ADCY9: variants seen among roughly 807,000 people sequenced by gnomAD.
ADCY9 encodes the protein adenylate cyclase 9.
Under a neutral mutation model 101.5 loss-of-function variants are expected in ADCY9, and 50 were observed. The ratio of observed to expected loss-of-function variants is 0.49; its 90% CI spans 0.39 to 0.62. ADCY9 has a LOEUF of 0.62. Among genes scored for constraint, ADCY9 ranks in the 20% least tolerant of loss-of-function variants. The pLI, the probability that ADCY9 is intolerant of heterozygous loss-of-function variation, is 0.00. For synonymous variants in ADCY9, 905 were observed against 769.3 expected, an observed-to-expected ratio of 1.18 and a Z score of -2.92; for missense variants, 1,662 against 1,800.4, an observed-to-expected ratio of 0.92 and a Z score of 1.39.
chr16:3,991,436 T>A (rs1277322014), intron 5 of ADCY9, among the ~76,000 whole-genome samples: 1 of 152,008 alleles, frequency 6.6e-6, no homozygotes, highest in African/African-American at 2.4e-5. Flanking sequence ...TCAGGAATAT[T>A]TGATAAAAGG....
At chr16:4,084,763 G>C (rs957636552) in intron 2 of ADCY9, among the ~76,000 whole-genome samples, 8 of 151,914 alleles carry the variant, frequency 5.3e-5, no homozygotes, top group African/African-American at 1.7e-4. Context: ...AAATGTGATA[G>C]AATCAGTGGC....
chr16:4,115,310 G>A lies in ADCY9; in HGVS notation c.133C>T (p.His45Tyr). 2 of 1,613,814 alleles carry A rather than the reference G, an allele frequency of 1.2e-6. No individual in the cohort carries two copies. The highest frequency in any genetic ancestry group is 1.7e-5 in the Admixed American group (1 of 59,990). ...KQLSSNSHPK[H>Y]CKYSISSSCS... is the part of the protein sequence containing the mutation. The stretch of plus-strand genomic sequence containing the variant: ...CTAGAGGAGATGCTGTATTTGCAGT[G>A]CTTGGGGTGGCTGTTGGAGGACAGC... The change falls in exon 2 of 11, where the codon CAC (histidine) becomes TAC (tyrosine). Residue 45 changes from histidine to tyrosine, a missense_variant. By Grantham distance (83) the His-to-Tyr change is moderately conservative. Coordinates refer to ENST00000294016, the MANE Select transcript of ADCY9 (RefSeq NM_001116.4). This position sits in a 1 kb window ranked among gnomAD's most constrained non-coding sequence, Gnocchi z 6.2.
At chr16:4,010,145 G>T (rs1030223314) in intron 2 of ADCY9, among the ~76,000 whole-genome samples, 1 of 152,216 alleles carries the variant, frequency 6.6e-6, no homozygotes, top group Admixed American at 6.5e-5. Context: ...CCTGCCTGAG[G>T]CTACGGCTCC....
chr16:4,016,796 A>C (rs190433118), intron 2 of ADCY9, among the ~76,000 whole-genome samples: 6 of 152,324 alleles, frequency 3.9e-5, no homozygotes, highest in African/African-American at 1.2e-4. Flanking sequence ...AGACACAGAA[A>C]GCAGATGAGT....
At chr16:4,026,687 C>A (rs2056517810) in intron 2 of ADCY9, among the ~76,000 whole-genome samples, 1 of 152,170 alleles carries the variant, frequency 6.6e-6, no homozygotes, top group Non-Finnish European at 1.5e-5. Context: ...GAGACCCATG[C>A]AGCATCCAGG....
chr16:4,096,400 A>G (rs921079805), intron 2 of ADCY9, among the ~76,000 whole-genome samples: 1 of 152,344 alleles, frequency 6.6e-6, no homozygotes, highest in Non-Finnish European at 1.5e-5. Context: ...TATTTGCCCA[A>G]AAGTGCTTGT....
At chr16:3,981,830 C>G (rs1239606566) in intron 7 of ADCY9, 1 of 152,154 alleles carries the variant, frequency 6.6e-6, no homozygotes, top group African/African-American at 2.4e-5. Flanking sequence ...CTCGAACTCC[C>G]AGCCTCAGGT....
At chr16:4,022,781 A>G (rs1361108832) in intron 2 of ADCY9, among the ~76,000 whole-genome samples, 1 of 152,162 alleles carries the variant, frequency 6.6e-6, no homozygotes, top group African/African-American at 2.4e-5. Flanking sequence ...GTATCAGAGT[A>G]AGACCCTGTC....
chr16:3,975,985 G>A (rs72762710), intron 9 of ADCY9, among the ~76,000 whole-genome samples: 6,923 of 152,138 alleles, frequency 0.046, 239 homozygotes, highest in Admixed American at 0.08. Context: ...GCAATTTTGA[G>A]ACTTATTTTT....
rs530046650 is a variant in ADCY9 at position 4,083,539 on chromosome 16, C to A, written c.1693+30211G>T. ...CAAGAGAAATGAAAACATATGTCCA[C>A]AGGAAAACGTGTCTGCCAACATTCA... On this transcript the variant is annotated intron_variant, in intron 2 of 10. Coordinates refer to ENST00000294016, the MANE Select transcript of ADCY9 (RefSeq NM_001116.4). Among the ~76,000 whole-genome samples, 294 of 152,320 alleles carry A rather than the reference C, an allele frequency of 1.9e-3. 4 individuals carry two copies. Among genetic ancestry groups the A allele is most frequent in the South Asian group, 0.019 (92 of 4,826 alleles).
At chr16:3,989,639 C>G (rs1246749305) in intron 5 of ADCY9, among the ~76,000 whole-genome samples, 1 of 152,222 alleles carries the variant, frequency 6.6e-6, no homozygotes, top group Non-Finnish European at 1.5e-5. Context: ...CTCGGCCTCC[C>G]AAAGTGCTGG....
At chr16:4,006,773 C>T (rs192254152) in intron 3 of ADCY9, among the ~76,000 whole-genome samples, 118 of 152,256 alleles carry the variant, frequency 7.8e-4, no homozygotes, top group African/African-American at 2.6e-3. Flanking sequence ...AGGTCGACCG[C>T]GCCAATTCCC....
intron 2 of ADCY9, among the ~76,000 whole-genome samples, chr16:4,026,208 T>C (rs1431231039): frequency 6.6e-6 from 1 of 152,116 alleles, no homozygotes; most frequent in East Asian, 1.9e-4. Flanking sequence ...GTGGATCACC[T>C]GAGGTCAGGA....
rs139483045 is a variant in ADCY9, at chr16:3,986,471, C to T, written c.2310+2523G>A. ...GTTTGTTTTTTTTCTTTTTTTGAGA[C>T]GGAGTTTCACTCTTCTTGCCCAGGC... On this transcript the variant is annotated intron_variant, in intron 6 of 10. Coordinates refer to ENST00000294016, the MANE Select transcript of ADCY9 (RefSeq NM_001116.4). 4.6e-3 allele frequency among the ~76,000 whole-genome samples: 707 copies of T among 152,172 alleles called. 3 individuals are homozygous for T. Among genetic ancestry groups the T allele is most frequent in the African/African-American group, 0.016 (673 of 41,510 alleles).
At chr16:3,983,743 A>G (rs2141691240) in intron 6 of ADCY9, 1 of 401,214 alleles carries the variant, frequency 2.5e-6, no homozygotes, top group Admixed American at 3.9e-5. Context: ...AGCGTAACAC[A>G]GTGAGACTCC....
intron 7 of ADCY9, 119 bp downstream of exon 7, chr16:3,983,113 G>A (rs1239955531): frequency 7.1e-6 from 7 of 991,174 alleles, no homozygotes; most frequent in Non-Finnish European, 1.0e-5. Context: ...CCCATCTCCA[G>A]AAATCAGCCA....
chr16:3,999,543 G>A (rs1016531870), intron 3 of ADCY9, among the ~76,000 whole-genome samples: 1 of 151,974 alleles, frequency 6.6e-6, no homozygotes, highest in African/African-American at 2.4e-5. Context: ...AGTGACCTGA[G>A]CAGCTATGCC....
At chr16:4,001,916 T>G (rs1361854209) in intron 3 of ADCY9, among the ~76,000 whole-genome samples, 1 of 152,056 alleles carries the variant, frequency 6.6e-6, no homozygotes, top group Non-Finnish European at 1.5e-5. Flanking sequence ...ACCCGGCTAA[T>G]TTTTAAATTT....
Position 4,009,932 on chromosome 16 carries a change from C to G in ADCY9, c.1694-2374G>C, listed in dbSNP as rs538023175. Among the ~76,000 whole-genome samples the G allele has an allele frequency of 4.6e-5, 7 of 152,322 alleles. No individual in the cohort carries two copies. The South Asian group carries it at 1.4e-3, about 32-fold the overall frequency. On this transcript the variant is annotated intron_variant, in intron 2 of 10. Coordinates refer to ENST00000294016, the MANE Select transcript of ADCY9 (RefSeq NM_001116.4). ...TCCCATGACTCCTGAGTGTGGCCCACAAGTCACCAGGTGGCAGGGTGGTGA... is the reference window on the plus strand; with the variant it reads ...TCCCATGACTCCTGAGTGTGGCCCAGAAGTCACCAGGTGGCAGGGTGGTGA...
Sources: allele counts gnomAD v4.1 joint callset (sites outside exome capture counted in the v4.1 genomes callset), GRCh38; gene constraint gnomAD v4.1.1; non-coding constraint Gnocchi (gnomAD v3.1); transcripts MANE v1.5; gene names NCBI Gene and HGNC (gene_info 2026-07-23, HGNC 2026-07-21).